Variants in METTL9 observed in about 807,000 individuals in gnomAD.
METTL9 encodes methyltransferase 9, His-X-His N1(pi)-histidine.
A neutral mutation model predicts 36.0 loss-of-function variants in METTL9; 10 were observed. That is an observed-to-expected ratio of 0.28 (90% CI 0.17 to 0.47). The LOEUF (loss-of-function observed/expected upper bound fraction) is 0.47, where lower values mean the gene tolerates loss of function less well. Ranked by LOEUF, METTL9 falls within the 20% of genes least tolerant of loss-of-function variation. METTL9 has a pLI of 0.99. For synonymous variants in METTL9, 175 were observed against 149.7 expected, an observed-to-expected ratio of 1.17 and a Z score of -1.23; for missense variants, 246 against 383.5, an observed-to-expected ratio of 0.64 and a Z score of 3.00.
At position 21,650,290 on chromosome 16, in the gene METTL9, T is replaced by C. The variant is rs1228096891; in HGVS notation, c.752-4937T>C. 2.0e-5 allele frequency among the ~76,000 whole-genome samples: 3 copies of C among 152,038 alleles called. No individual in the cohort carries two copies. The East Asian group carries it at 5.8e-4, about 29-fold the overall frequency. ...GGGATGCCGAGGCGGGCAGATCACC[T>C]GAGGTCAGGCGTTCGAGACTAGCCT... is the stretch of plus-strand genomic sequence containing the variant. On this transcript the variant is annotated intron_variant, in intron 4 of 4. Transcript: ENST00000358154.
chr16:21,632,584 C>A (rs535185133), intron 4 of METTL9, among the ~76,000 whole-genome samples: 1 of 152,104 alleles, frequency 6.6e-6, no homozygotes, highest in Non-Finnish European at 1.5e-5. Flanking sequence ...TTGAGGGCCA[C>A]GCACATACGT....
intron 4 of METTL9, among the ~76,000 whole-genome samples, chr16:21,648,160 C>G (rs561743794): frequency 6.6e-6 from 1 of 152,304 alleles, no homozygotes; most frequent in Admixed American, 6.5e-5. Context: ...CAGGCCATAG[C>G]TAAGCAGATT....
intron 4 of METTL9, among the ~76,000 whole-genome samples, chr16:21,649,196 T>C (rs1966506023): frequency 6.6e-6 from 1 of 152,138 alleles, no homozygotes; most frequent in Non-Finnish European, 1.5e-5. Context: ...TTTCACCTTG[T>C]TACCTAGGCT....
At chr16:21,633,082 T>C (rs1966005173) in intron 4 of METTL9, among the ~76,000 whole-genome samples, 1 of 152,094 alleles carries the variant, frequency 6.6e-6, no homozygotes, top group Non-Finnish European at 1.5e-5. Flanking sequence ...TGGGGATCCA[T>C]AGTCAGCAAA....
Position 21,599,845 on chromosome 16 carries a change from AG to A in METTL9, c.113del (p.Ser38ThrfsTer48). 19 of 1,521,096 alleles carry A rather than the reference AG, an allele frequency of 1.2e-5. No individual in the cohort carries two copies. Among genetic ancestry groups the A allele is most frequent in the Non-Finnish European group, 1.7e-5 (19 of 1,140,928 alleles). 94.2% of individuals were successfully genotyped at this position (1,521,096 alleles called of 1,614,324 possible). ...CCGCTCCCTGTACGTGAACATGACTAGCGGCCCGGGTGGGCCGGCGGCGGCC... is the reference window on the plus strand; with the variant it reads ...CCGCTCCCTGTACGTGAACATGACTACGGCCCGGGTGGGCCGGCGGCGGCC... ...LTRSLYVNMT[S>X]GPGGPAAAAG... On this transcript the variant is annotated frameshift_variant, in exon 1 of 5. Coordinates refer to ENST00000358154, the MANE Select transcript of METTL9 (RefSeq NM_016025.5). LOFTEE classifies it high-confidence loss of function. This position sits in a 1 kb window ranked among gnomAD's most constrained non-coding sequence, Gnocchi z 4.4.
At chr16:21,632,855 G>A (rs375874623) in intron 4 of METTL9, among the ~76,000 whole-genome samples, 1 of 152,156 alleles carries the variant, frequency 6.6e-6, no homozygotes, top group Non-Finnish European at 1.5e-5. Flanking sequence ...CATCCCACAA[G>A]TCTGAGTAAG....
chr16:21,602,503 C>T (rs1965159213), intron 1 of METTL9, among the ~76,000 whole-genome samples: 1 of 152,086 alleles, frequency 6.6e-6, no homozygotes, highest in African/African-American at 2.4e-5. Flanking sequence ...AGGGAAGTGG[C>T]TGGGAGGCCA....
At chr16:21,647,094 G>C (rs770877981) in intron 4 of METTL9, 1 of 1,613,568 alleles carries the variant, frequency 6.2e-7, no homozygotes, top group South Asian at 1.1e-5. Flanking sequence ...GCCTGAACAA[G>C]ATGCAATGAT....
At chr16:21,600,928 A>G (rs569361619) in intron 1 of METTL9, among the ~76,000 whole-genome samples, 7 of 152,082 alleles carry the variant, frequency 4.6e-5, no homozygotes, top group Non-Finnish European at 7.4e-5. Context: ...ATTTTCCTAC[A>G]TTACTTTTTT....
chr16:21,597,279 G>A (rs769847180), upstream of METTL9: 27 of 1,288,888 alleles, frequency 2.1e-5, no homozygotes, highest in Admixed American at 1.1e-4. Flanking sequence ...CCACGAGCTG[G>A]GATACCAAGT....
At chr16:21,655,006 C>T (rs1479060359) in intron 4 of METTL9, 6 of 568,870 alleles carry the variant, frequency 1.1e-5, no homozygotes. Flanking sequence ...TACTGACACT[C>T]ATTAACCTTG....
At chr16:21,640,973 C>T (rs1330072917) in intron 4 of METTL9, 4 of 152,042 alleles carry the variant, frequency 2.6e-5, no homozygotes, top group Admixed American at 6.6e-5. Context: ...TTACTCTAGC[C>T]ACTATATTAT....
rs1966728341 is a variant in METTL9 at position 21,657,145 on chromosome 16, T to C, written c.*1713T>C. On this transcript the variant is annotated 3_prime_UTR_variant, in exon 5 of 5. Transcript: ENST00000358154. ...TTTCTAACTTTCAAGTAGAGAACTT[T>C]ATGCTCTAATAAGAAAAATACAACT... is the stretch of plus-strand genomic sequence containing the variant. 6.6e-6 allele frequency: 1 copy of C among 152,124 alleles called. No individual in the cohort carries two copies. Among genetic ancestry groups the C allele is most frequent in the Admixed American group, 6.6e-5 (1 of 15,264 alleles). The allele number at this position is 152,124 out of a possible 1,614,324, so 9.4% of individuals were successfully genotyped here.
At chr16:21,625,222 C>T (rs769556778) in intron 4 of METTL9, 107 bp downstream of exon 4, 19 of 1,248,718 alleles carry the variant, frequency 1.5e-5, no homozygotes, top group Non-Finnish European at 2.2e-5. Context: ...CTTATAATAG[C>T]CTGCAGTTTA....
Position 21,599,826 on chromosome 16 carries a change from C to T in METTL9, c.93C>T (p.Ser31=). ...CGCTGCGGAGCCCGCTCACCCGCTC[C>T]CTGTACGTGAACATGACTAGCGGCC... ...MWTLRSPLTR[S]LYVNMTSGPG... Residue 31 remains serine (S), a synonymous_variant, in exon 1 of 5, where the codon TCC becomes TCT. Transcript: ENST00000358154. This position sits in a 1 kb window ranked among gnomAD's most constrained non-coding sequence, Gnocchi z 4.4. 6.5e-7 allele frequency: 1 copy of T among 1,542,086 alleles called. No individual in the cohort carries two copies. Among genetic ancestry groups the T allele is most frequent in the Non-Finnish European group, 8.7e-7 (1 of 1,151,172 alleles).
intron 1 of METTL9, among the ~76,000 whole-genome samples, chr16:21,606,110 G>A (rs1965279931): frequency 6.6e-6 from 1 of 152,172 alleles, no homozygotes; most frequent in Admixed American, 6.6e-5. Flanking sequence ...GCTGAGGTGG[G>A]TGGATCACGA....
Position 21,621,020 on chromosome 16 carries a change from G to T in METTL9, c.566+2946G>T, listed in dbSNP as rs183285281. On this transcript the variant is annotated intron_variant, in intron 3 of 4. Transcript: ENST00000358154. ...GGGTCTCTCTCTGTCACCTGGGCTA[G>T]AGCATGTGGCGTGATTATAGCTCAC... 2.2e-3 allele frequency among the ~76,000 whole-genome samples: 342 copies of T among 152,016 alleles called. 3 individuals carry two copies. Among genetic ancestry groups the T allele is most frequent in the African/African-American group, 7.6e-3 (317 of 41,472 alleles).
At chr16:21,649,877 T>G (rs1966523124) in intron 4 of METTL9, among the ~76,000 whole-genome samples, 1 of 152,056 alleles carries the variant, frequency 6.6e-6, no homozygotes, top group Admixed American at 6.6e-5. Flanking sequence ...CCTGGCTAAT[T>G]TTTTTATTTT....
intron 4 of METTL9, among the ~76,000 whole-genome samples, chr16:21,632,117 G>GCC (rs1965977829): frequency 6.6e-6 from 1 of 152,110 alleles, no homozygotes; most frequent in African/African-American, 2.4e-5. Flanking sequence ...GTGTAAGACT[G>GCC]CCGCCTCCTT....
Sources: allele counts gnomAD v4.1 joint callset (sites outside exome capture counted in the v4.1 genomes callset), GRCh38; gene constraint gnomAD v4.1.1; non-coding constraint Gnocchi (gnomAD v3.1); transcripts MANE v1.5; gene names NCBI Gene and HGNC (gene_info 2026-07-23, HGNC 2026-07-21).